The following NRK variants were observed in gnomAD, a reference collection of about 807,000 sequenced individuals.
NRK encodes Nik related kinase, also known as nik-related protein kinase.
Under a neutral mutation model 125.2 loss-of-function variants are expected in NRK, and 67 were observed. The ratio of observed to expected loss-of-function variants is 0.54; its 90% CI spans 0.44 to 0.66. The LOEUF (loss-of-function observed/expected upper bound fraction) is 0.66. Among genes scored for constraint, NRK ranks in the 30% least tolerant of loss-of-function variants. NRK has a pLI of 0.00. For missense variants in NRK, 1,224 were observed against 1,192.9 expected, an observed-to-expected ratio of 1.03 and a Z score of -0.38; for synonymous variants, 458 against 429.0, an observed-to-expected ratio of 1.07 and a Z score of -0.84.
chrX:105,926,905 C>T (rs1306416650), intron 19 of NRK, among the ~76,000 whole-genome samples: 1 of 111,080 alleles, frequency 9.0e-6, no homozygotes, highest in Non-Finnish European at 1.9e-5. Flanking sequence ...ATTTTGAAAT[C>T]TGATATTGTG....
At chrX:105,844,286 G>A (rs2039373397) in intron 2 of NRK, among the ~76,000 whole-genome samples, 1 of 110,841 alleles carries the variant, frequency 9.0e-6, no homozygotes, top group South Asian at 3.8e-4. Flanking sequence ...GTAGAGAGAT[G>A]ATACTGGTAG....
intron 18 of NRK, among the ~76,000 whole-genome samples, chrX:105,923,891 C>CTA (rs1204761152): frequency 0.1 from 4,852 of 47,599 alleles, 202 homozygotes; most frequent in Non-Finnish European, 0.13. Flanking sequence ...TGTGATATCA[C>CTA]TATATATATA....
chrX:105,824,862 C>G (rs2039073239), intron 1 of NRK, among the ~76,000 whole-genome samples: 1 of 111,422 alleles, frequency 9.0e-6, no homozygotes, highest in Non-Finnish European at 1.9e-5. Context: ...GACATTGATG[C>G]TTGGCCTCAT....
chrX:105,855,212 A>C (rs17285577), intron 2 of NRK, among the ~76,000 whole-genome samples: 2,781 of 111,641 alleles, frequency 0.025, 47 homozygotes, highest in Non-Finnish European at 0.039. Context: ...TAACAAGTCC[A>C]AAAGGATTTT....
intron 2 of NRK, among the ~76,000 whole-genome samples, chrX:105,838,570 G>A (rs2039294183): frequency 9.0e-6 from 1 of 111,134 alleles, no homozygotes; most frequent in Non-Finnish European, 1.9e-5. Flanking sequence ...AGGATTCAAG[G>A]CAACCATTTC....
chrX:105,842,887 T>A (rs1459661650), intron 2 of NRK, among the ~76,000 whole-genome samples: 1 of 111,838 alleles, frequency 8.9e-6, no homozygotes, highest in Non-Finnish European at 1.9e-5. Flanking sequence ...ATTACAGCTT[T>A]AAGACTTTCC....
At chrX:105,848,285 C>T (rs1040301568) in intron 2 of NRK, among the ~76,000 whole-genome samples, 4 of 111,065 alleles carry the variant, frequency 3.6e-5, no homozygotes, top group Admixed American at 2.9e-4. Flanking sequence ...CGTCCTTCTC[C>T]GTCCCTAACT....
At chrX:105,933,731 A>G (rs775651726) in intron 19 of NRK, among the ~76,000 whole-genome samples, 4 of 111,365 alleles carry the variant, frequency 3.6e-5, no homozygotes, top group Non-Finnish European at 5.7e-5. Flanking sequence ...TAGAACAGAC[A>G]CCCCCACACT....
chrX:105,888,511 A>G (rs1484402343), intron 5 of NRK, 92 bp downstream of exon 5: 4 of 746,038 alleles, frequency 5.4e-6, no homozygotes, highest in Non-Finnish European at 5.8e-6. Context: ...GTGCATCTAC[A>G]GGAAAACTTA....
chrX:105,946,758 A>G (rs975397215), intron 26 of NRK, among the ~76,000 whole-genome samples: 1 of 111,778 alleles, frequency 8.9e-6, no homozygotes, highest in South Asian at 3.7e-4. Context: ...TTCTATTGCT[A>G]CATCAGAAGA....
chrX:105,946,931 C>G (rs2040820777), intron 26 of NRK, among the ~76,000 whole-genome samples: 1 of 111,676 alleles, frequency 9.0e-6, no homozygotes, highest in African/African-American at 3.3e-5. Context: ...GCAGTACTTG[C>G]TTTAGTTTTT....
At chrX:105,845,154 A>C (rs1308985014) in intron 2 of NRK, among the ~76,000 whole-genome samples, 1 of 111,876 alleles carries the variant, frequency 8.9e-6, no homozygotes, top group East Asian at 2.8e-4. Flanking sequence ...GCATTGAAAC[A>C]TGCAGAATGA....
intron 19 of NRK, among the ~76,000 whole-genome samples, chrX:105,927,916 C>T (rs1192789554): frequency 9.0e-6 from 1 of 111,256 alleles, no homozygotes; most frequent in Non-Finnish European, 1.9e-5. Context: ...CTATCTTCAT[C>T]AGAGATCTTG....
chrX:105,869,142 T>C (rs2039709885), intron 2 of NRK, among the ~76,000 whole-genome samples: 1 of 110,761 alleles, frequency 9.0e-6, no homozygotes, highest in South Asian at 3.8e-4. Context: ...GGGTGGAATG[T>C]TGAGGAAGGG....
At chrX:105,871,109 C>T (rs1247898686) in intron 2 of NRK, among the ~76,000 whole-genome samples, 1 of 111,656 alleles carries the variant, frequency 9.0e-6, no homozygotes, top group Non-Finnish European at 1.9e-5. Context: ...GTAGTAGCCA[C>T]AGGTTAGGGG....
intron 4 of NRK, among the ~76,000 whole-genome samples, chrX:105,886,446 TTA>T (rs1418616845): frequency 8.5e-4 from 88 of 103,972 alleles, no homozygotes; most frequent in Admixed American, 1.2e-3. Flanking sequence ...ATACAGATAA[TTA>T]TATATATAAT....
chrX:105,923,310 G>C lies in NRK; in HGVS notation c.2803G>C (p.Asp935His). 1.7e-6 allele frequency: 2 copies of C among 1,193,444 alleles called. No individual in the cohort carries two copies. The highest frequency in any genetic ancestry group is 2.3e-6 in the Non-Finnish European group (2 of 882,141). Residue 935 changes from aspartate (D) to histidine (H), a missense_variant, in exon 18 of 29, where the codon GAT (aspartate) becomes CAT (histidine). Coordinates refer to ENST00000243300, the MANE Select transcript of NRK (RefSeq NM_198465.4). ...DASADTDGDD[D>H]DESNDTFEDT... ...CAGTGCTGATACTGATGGTGATGAT[G>C]ATGATGAGTCTAATGATACTTTTGA...
rs766887371 is a variant in NRK, at chrX:105,946,464, T to C, written c.4353T>C (p.Asn1451=). The C allele has an allele frequency of 5.1e-6, 6 of 1,170,036 alleles. No individual in the cohort carries two copies. In the South Asian group the frequency reaches 9.4e-5, roughly 18 times the overall value. ...EVMSDVTLPK[N]PLEIIIPQNI... ...TGTCTGATGTGACCCTGCCAAAGAA[T>C]GTAAGATAACACCTTCAGATTCCTA... is the stretch of plus-strand genomic sequence containing the variant. Residue 1451 remains asparagine, a splice_region_variant and synonymous_variant, in exon 26 of 29, where the codon AAT becomes AAC. Transcript: ENST00000243300.
chrX:105,934,365 A>T lies in NRK; in HGVS notation c.3420A>T (p.Gln1140His). 1 of 1,203,059 alleles carries T rather than the reference A, an allele frequency of 8.3e-7. No homozygotes were observed. The highest frequency in any genetic ancestry group is 1.1e-6 in the Non-Finnish European group (1 of 888,224). ...DNKDISESST[Q>H]SDFSANHSSP... ...AGGACATATCAGAATCATCAACACA[A>T]TCAGATTTTTCTGCCAATCACTCAT... Residue 1140 changes from glutamine to histidine, a missense_variant, in exon 20 of 29, where the codon CAA becomes CAT. Physicochemically the swap from Gln to His is conservative, Grantham distance 24. Transcript: ENST00000243300.
Sources: gnomAD v4.1 joint callset for allele counts (sites outside exome capture counted in the v4.1 genomes callset) on GRCh38, gnomAD v4.1.1 for gene constraint, MANE v1.5 for transcripts, NCBI Gene and HGNC (gene_info 2026-07-23, HGNC 2026-07-21) for gene names.